PPP1R36: variants seen among roughly 807,000 people sequenced by gnomAD.
PPP1R36 encodes protein phosphatase 1 regulatory subunit 36.
A neutral mutation model predicts 53.4 loss-of-function variants in PPP1R36; 47 were observed. That is an observed-to-expected ratio of 0.88 (90% CI 0.70 to 1.12). The LOEUF (loss-of-function observed/expected upper bound fraction) is 1.12. PPP1R36 is among the 50% of genes most tolerant of loss of function. The pLI, the probability that PPP1R36 is intolerant of heterozygous loss-of-function variation, is 0.00. For missense variants in PPP1R36, 456 were observed against 513.9 expected, an observed-to-expected ratio of 0.89 and a Z score of 1.09; for synonymous variants, 153 against 170.5, an observed-to-expected ratio of 0.90 and a Z score of 0.80.
chr14:64,583,811 C>CAAA (rs529491293), intron 8 of PPP1R36, among the ~76,000 whole-genome samples: 7 of 29,958 alleles, frequency 2.3e-4, no homozygotes, highest in East Asian at 1.0e-3. Context: ...AACTCCATCT[C>CAAA]AAAAAAAAAA....
At chr14:64,571,042 C>T (rs1160241395) in intron 7 of PPP1R36, among the ~76,000 whole-genome samples, 1 of 152,344 alleles carries the variant, frequency 6.6e-6, no homozygotes, top group East Asian at 1.9e-4. Context: ...CACCAATCAA[C>T]TGCACTGTTT....
At position 64,588,225 on chromosome 14, in the gene PPP1R36, C is replaced by G. The variant is rs1176831805; in HGVS notation, c.1012C>G (p.Gln338Glu). 6.2e-7 allele frequency: 1 copy of G among 1,614,154 alleles called. No homozygotes were observed. Among genetic ancestry groups the G allele is most frequent in the Admixed American group, 1.7e-5 (1 of 60,032 alleles). The change falls in exon 11 of 12, where the codon CAA (glutamine) becomes GAA (glutamate). Residue 338 changes from glutamine (Q) to glutamate (E), a missense_variant. Physicochemically the swap from Gln to Glu is conservative, Grantham distance 29. Transcript: ENST00000298705. ...AAACGTCTTTGAGAAAAAGTATCAT[C>G]AAGTAGACGTCAGATTCCCAGCCGA... Reference protein sequence around the residue: ...AQNVFEKKYHQVDVRFPAEMQ... With the variant: ...AQNVFEKKYHEVDVRFPAEMQ...
intron 3 of PPP1R36, among the ~76,000 whole-genome samples, chr14:64,555,004 G>C (rs1250654112): frequency 6.6e-6 from 1 of 152,090 alleles, no homozygotes; most frequent in Non-Finnish European, 1.5e-5. Context: ...AGAACCCTAG[G>C]AAATACCTAC....
At chr14:64,562,557 A>G (rs2080213431) in intron 3 of PPP1R36, among the ~76,000 whole-genome samples, 1 of 152,176 alleles carries the variant, frequency 6.6e-6, no homozygotes, top group South Asian at 2.1e-4. Context: ...ACTCACTCAC[A>G]AAGTGGAACC....
chr14:64,550,829 G>A, intron 1 of PPP1R36, 92 bp from the exon 2 acceptor site: 4 of 903,126 alleles, frequency 4.4e-6, no homozygotes, highest in Non-Finnish European at 1.7e-6. Flanking sequence ...AGATGTGTTA[G>A]TAAGTAGGAA....
chr14:64,568,523 AGAT>A, intron 7 of PPP1R36, 76 bp downstream of exon 7: 1 of 634,168 alleles, frequency 1.6e-6, no homozygotes, highest in Non-Finnish European at 2.7e-6. Flanking sequence ...TAGGATAAAG[AGAT>A]GATGGAAATT....
intron 8 of PPP1R36, among the ~76,000 whole-genome samples, chr14:64,575,853 T>C (rs2080337336): frequency 6.6e-6 from 1 of 152,016 alleles, no homozygotes; most frequent in African/African-American, 2.4e-5. Context: ...GGTTTCACCA[T>C]GTTAGCCAGG....
In PPP1R36 at chr14:64,568,378, C is replaced by A; in HGVS notation, c.464C>A (p.Ala155Glu). Reference protein sequence around the residue: ...RNKNLDNFLMALLYYLSHYLE... With the variant: ...RNKNLDNFLMELLYYLSHYLE... ...AAGAATCTTGATAATTTCCTCATGG[C>A]ATTATTGTACTACTTATCCCATTAC... Residue 155 changes from alanine to glutamate, a missense_variant, in exon 7 of 12, where the codon GCA (alanine) becomes GAA (glutamate). Transcript: ENST00000298705. 1 of 1,547,420 alleles carries A rather than the reference C, an allele frequency of 6.5e-7. No individual in the cohort carries two copies. Among genetic ancestry groups the A allele is most frequent in the Non-Finnish European group, 8.8e-7 (1 of 1,138,466 alleles).
At chr14:64,553,890 G>A (rs1267847611) in intron 3 of PPP1R36, among the ~76,000 whole-genome samples, 2 of 151,208 alleles carry the variant, frequency 1.3e-5, no homozygotes, top group Non-Finnish European at 2.9e-5. Context: ...CTGGGGGGCC[G>A]TTAAGGGAGT....
chr14:64,576,422 C>T (rs1027259790), intron 8 of PPP1R36, among the ~76,000 whole-genome samples: 1 of 152,080 alleles, frequency 6.6e-6, no homozygotes, highest in African/African-American at 2.4e-5. Flanking sequence ...CCAAGTTACC[C>T]AGGGTCTGAG....
chr14:64,575,541 G>C (rs1051286251), intron 8 of PPP1R36, among the ~76,000 whole-genome samples: 7 of 151,870 alleles, frequency 4.6e-5, no homozygotes, highest in African/African-American at 1.5e-4. Context: ...TGTTCATTTG[G>C]ACTATTTCCT....
chr14:64,588,515 T>C (rs1463107574), intron 11 of PPP1R36: 5 of 425,276 alleles, frequency 1.2e-5, no homozygotes, highest in Non-Finnish European at 2.1e-5. Flanking sequence ...AAAGTGGTGC[T>C]AGACTCCAAA....
intron 3 of PPP1R36, among the ~76,000 whole-genome samples, chr14:64,557,660 T>C (rs2080167482): frequency 6.6e-6 from 1 of 152,168 alleles, no homozygotes; most frequent in Non-Finnish European, 1.5e-5. Flanking sequence ...TTGATAGATA[T>C]CTTCATACTG....
chr14:64,560,045 A>G (rs149761319), intron 3 of PPP1R36, among the ~76,000 whole-genome samples: 83 of 135,992 alleles, frequency 6.1e-4, no homozygotes, highest in African/African-American at 2.1e-3. Flanking sequence ...CGGAGGTTGC[A>G]GTGAGCTGAA....
chr14:64,550,223 G>GAAAAA, intron 1 of PPP1R36, 157 bp downstream of exon 1: 1 of 1,191,510 alleles, frequency 8.4e-7, no homozygotes, highest in Non-Finnish European at 1.1e-6. Flanking sequence ...TATTTGCCTA[G>GAAAAA]AAAAAAAAAA....
chr14:64,552,606 T>G (rs2080104265), intron 2 of PPP1R36: 1 of 488,578 alleles, frequency 2.0e-6, no homozygotes, highest in Non-Finnish European at 3.7e-6. Context: ...AGGAAAGGAG[T>G]TGGCTAAGCA....
At chr14:64,584,830 C>T (rs893970688) in intron 8 of PPP1R36, among the ~76,000 whole-genome samples, 7 of 152,084 alleles carry the variant, frequency 4.6e-5, no homozygotes, top group Admixed American at 4.6e-4. Context: ...AAGGGCTTAG[C>T]GTGGTGCAGG....
chr14:64,554,895 C>T (rs1201884957), intron 3 of PPP1R36, among the ~76,000 whole-genome samples: 1 of 151,820 alleles, frequency 6.6e-6, no homozygotes, highest in Non-Finnish European at 1.5e-5. Flanking sequence ...TTCGAGGTGC[C>T]CTGTAGGACC....
intron 6 of PPP1R36, among the ~76,000 whole-genome samples, chr14:64,567,159 G>A (rs1224119036): frequency 1.3e-5 from 2 of 152,166 alleles, no homozygotes; most frequent in African/African-American, 2.4e-5. Flanking sequence ...TGCTCTTTAG[G>A]TATAGTTCAG....
Sources: allele counts gnomAD v4.1 joint callset (sites outside exome capture counted in the v4.1 genomes callset), GRCh38; gene constraint gnomAD v4.1.1; transcripts MANE v1.5; gene names NCBI Gene and HGNC (gene_info 2026-07-23, HGNC 2026-07-21).